The following TEX2 variants were observed in gnomAD, a reference collection of about 807,000 sequenced individuals.
TEX2 encodes the protein testis-expressed protein 2.
TEX2 carries 53 observed loss-of-function variants against 106.9 expected under a neutral mutation model. The observed-to-expected ratio is 0.50, with a 90% confidence interval of 0.40 to 0.62. The LOEUF (loss-of-function observed/expected upper bound fraction) is 0.62. TEX2 is among the 20% of genes least tolerant of loss of function. TEX2 has a pLI of 0.00. For synonymous variants in TEX2, 523 were observed against 534.8 expected (o/e 0.98, Z 0.30); for missense variants, 1,207 against 1,379.0 (o/e 0.88, Z 1.98).
At chr17:64,175,896 GAA>G (rs2143770709) in intron 6 of TEX2, among the ~76,000 whole-genome samples, 1 of 152,308 alleles carries the variant, frequency 6.6e-6, no homozygotes, top group South Asian at 2.1e-4. Context: ...TAGACCCTGG[GAA>G]AAGAGCAGGG....
At chr17:64,169,246 C>T (rs926948672) in intron 7 of TEX2, among the ~76,000 whole-genome samples, 1 of 152,112 alleles carries the variant, frequency 6.6e-6, no homozygotes, top group Non-Finnish European at 1.5e-5. Flanking sequence ...ACCACGTTGG[C>T]CAGGCTGGTC....
chr17:64,207,956 G>A (rs956703443), intron 2 of TEX2, among the ~76,000 whole-genome samples: 1 of 151,910 alleles, frequency 6.6e-6, no homozygotes, highest in African/African-American at 2.4e-5. Context: ...GGATGGTCTC[G>A]ATCTCCTGAC....
chr17:64,182,689 A>G (rs1008178805), intron 5 of TEX2, among the ~76,000 whole-genome samples: 3 of 152,240 alleles, frequency 2.0e-5, no homozygotes, highest in Non-Finnish European at 4.4e-5. Flanking sequence ...GAATTTGCCT[A>G]TTCCAGACAT....
chr17:64,187,803 C>CAGGTCTGTGCCCAAA (rs1311924364), intron 5 of TEX2, among the ~76,000 whole-genome samples: 4 of 152,198 alleles, frequency 2.6e-5, no homozygotes, highest in African/African-American at 9.7e-5. Context: ...CCGTGACCAA[C>CAGGTCTGTGCCCAAA]AGGTCTGTGC....
chr17:64,203,514 A>G (rs936609656), intron 2 of TEX2, among the ~76,000 whole-genome samples: 14 of 152,238 alleles, frequency 9.2e-5, no homozygotes, highest in Non-Finnish European at 1.6e-4. Flanking sequence ...TTAATGGTTT[A>G]GGACCAGCAT....
At chr17:64,179,559 A>G (rs984861592) in intron 5 of TEX2, among the ~76,000 whole-genome samples, 4 of 152,276 alleles carry the variant, frequency 2.6e-5, no homozygotes, top group East Asian at 1.9e-4. Context: ...TGAAGGTCCG[A>G]GACTTCATTC....
intron 7 of TEX2, among the ~76,000 whole-genome samples, chr17:64,165,789 A>G (rs548812302): frequency 6.6e-6 from 1 of 152,344 alleles, no homozygotes; most frequent in South Asian, 2.1e-4. Flanking sequence ...AAGGTCTGGA[A>G]TATCAGTCCA....
intron 2 of TEX2, among the ~76,000 whole-genome samples, chr17:64,204,491 T>C (rs1273031073): frequency 6.6e-6 from 1 of 152,240 alleles, no homozygotes; most frequent in African/African-American, 2.4e-5. Context: ...ATGTTAAATA[T>C]CAGCAAGGCT....
chr17:64,198,548 T>G (rs2032552990), intron 2 of TEX2, among the ~76,000 whole-genome samples: 1 of 152,108 alleles, frequency 6.6e-6, no homozygotes, highest in Non-Finnish European at 1.5e-5. Context: ...AGTCCCTGCA[T>G]GCAATTGCTC....
intron 6 of TEX2, among the ~76,000 whole-genome samples, chr17:64,173,162 T>G (rs1329321678): frequency 6.6e-6 from 1 of 152,216 alleles, no homozygotes; most frequent in Non-Finnish European, 1.5e-5. Context: ...GTACTGAATT[T>G]CTACCAGTAT....
At chr17:64,248,556 G>A (rs2034032153) in intron 1 of TEX2, among the ~76,000 whole-genome samples, 1 of 152,194 alleles carries the variant, frequency 6.6e-6, no homozygotes, top group African/African-American at 2.4e-5. Flanking sequence ...ATAAATGCAG[G>A]TATAGCCTAT....
chr17:64,160,047 T>C (rs1250398472), intron 8 of TEX2, among the ~76,000 whole-genome samples: 1 of 152,226 alleles, frequency 6.6e-6, no homozygotes, highest in African/African-American at 2.4e-5. Flanking sequence ...GTTGATTCCA[T>C]GCAAAGGGCT....
At chr17:64,245,049 A>G (rs965831161) in intron 1 of TEX2, among the ~76,000 whole-genome samples, 3 of 152,214 alleles carry the variant, frequency 2.0e-5, no homozygotes, top group Non-Finnish European at 4.4e-5. Flanking sequence ...AAAGGCTGAA[A>G]AATGACTGCT....
intron 1 of TEX2, among the ~76,000 whole-genome samples, chr17:64,257,367 C>T (rs1378365722): frequency 6.6e-6 from 1 of 152,214 alleles, no homozygotes; most frequent in Non-Finnish European, 1.5e-5. Context: ...AAGTCTTCTG[C>T]AATAAGAGTT....
At chr17:64,149,298 T>C in intron 11 of TEX2, 1 of 546,744 alleles carries the variant, frequency 1.8e-6, no homozygotes, top group Non-Finnish European at 3.2e-6. Flanking sequence ...AATCCTCTAA[T>C]ATATCAGCTC....
chr17:64,214,296 C>A, intron 1 of TEX2, 54 bp from the exon 2 acceptor site: 4 of 1,418,866 alleles, frequency 2.8e-6, no homozygotes, highest in Non-Finnish European at 3.9e-6. Context: ...CCACAGGAGA[C>A]GCTGTCATTC....
intron 2 of TEX2, among the ~76,000 whole-genome samples, chr17:64,211,740 T>G (rs1360139620): frequency 1.3e-5 from 2 of 152,238 alleles, no homozygotes; most frequent in East Asian, 3.8e-4. Context: ...CCTTGGATAC[T>G]GTACATAAAT....
intron 1 of TEX2, among the ~76,000 whole-genome samples, chr17:64,248,611 A>C (rs1555636541): frequency 6.6e-6 from 1 of 152,214 alleles, no homozygotes; most frequent in Non-Finnish European, 1.5e-5. Flanking sequence ...GCTTGAAATC[A>C]TCCCAGTGAT....
chr17:64,204,968 T>C (rs1214590463), intron 2 of TEX2, among the ~76,000 whole-genome samples: 1 of 152,186 alleles, frequency 6.6e-6, no homozygotes, highest in Non-Finnish European at 1.5e-5. Context: ...GCCTCTACTT[T>C]TGTCTGTATT....
Sources: allele counts gnomAD v4.1 joint callset (sites outside exome capture counted in the v4.1 genomes callset), GRCh38; gene constraint gnomAD v4.1.1; transcripts MANE v1.5; gene names NCBI Gene and HGNC (gene_info 2026-07-23, HGNC 2026-07-21).